The following NEGR1 variants were observed in gnomAD, a reference collection of about 807,000 sequenced individuals.
NEGR1 encodes IgLON family member 4.
A neutral mutation model predicts 40.9 loss-of-function variants in NEGR1; 10 were observed. That is an observed-to-expected ratio of 0.24 (90% CI 0.15 to 0.42). The LOEUF is 0.42. Ranked by LOEUF, NEGR1 falls within the 10% of genes least tolerant of loss-of-function variation. NEGR1 has a pLI of 1.00. For missense variants in NEGR1, 352 were observed against 438.9 expected, an observed-to-expected ratio of 0.80 and a Z score of 1.77; for synonymous variants, 185 against 166.8, an observed-to-expected ratio of 1.11 and a Z score of -0.84.
intron 6 of NEGR1, among the ~76,000 whole-genome samples, chr1:71,462,867 T>A (rs1026169661): frequency 2.6e-5 from 4 of 152,166 alleles, no homozygotes; most frequent in African/African-American, 7.2e-5. Context: ...GTGTGCATAG[T>A]TTTGTGTTTA....
intron 6 of NEGR1, chr1:71,488,258 T>G (rs577774461): frequency 6.6e-6 from 1 of 151,910 alleles, no homozygotes; most frequent in East Asian, 1.9e-4. Flanking sequence ...ACTTCCTAAA[T>G]TATCCAGCTT....
At chr1:71,472,572 A>C (rs1291542557) in intron 6 of NEGR1, 4 of 152,256 alleles carry the variant, frequency 2.6e-5, no homozygotes, top group East Asian at 1.9e-4. Flanking sequence ...CAGCTCCATT[A>C]TCTTTCCAGG....
At chr1:72,085,097 T>G (rs528209276) in intron 1 of NEGR1, among the ~76,000 whole-genome samples, 1 of 152,272 alleles carries the variant, frequency 6.6e-6, no homozygotes, top group South Asian at 2.1e-4. Flanking sequence ...CCCAAAGAGG[T>G]TAAAAAATCC....
intron 6 of NEGR1, among the ~76,000 whole-genome samples, chr1:71,576,738 A>G (rs559592246): frequency 6.6e-6 from 1 of 152,360 alleles, no homozygotes; most frequent in East Asian, 1.9e-4. Flanking sequence ...CCAGTGGGCC[A>G]TAAGTGTAAG....
chr1:71,684,982 T>C (rs570806597), intron 4 of NEGR1, among the ~76,000 whole-genome samples: 1 of 152,346 alleles, frequency 6.6e-6, no homozygotes, highest in Non-Finnish European at 1.5e-5. Flanking sequence ...GTATTTTTTC[T>C]TCATTTTGCT....
chr1:71,538,946 G>C (rs1647597398), intron 6 of NEGR1, among the ~76,000 whole-genome samples: 1 of 151,678 alleles, frequency 6.6e-6, no homozygotes, highest in Admixed American at 6.6e-5. Flanking sequence ...ATTACTAATA[G>C]GTTATAATAG....
At chr1:72,123,423 G>A (rs777052685) in intron 1 of NEGR1, among the ~76,000 whole-genome samples, 1 of 151,692 alleles carries the variant, frequency 6.6e-6, no homozygotes, top group Non-Finnish European at 1.5e-5. Context: ...AACTAAAATT[G>A]CTTTAAAAAT....
intron 4 of NEGR1, among the ~76,000 whole-genome samples, chr1:71,652,436 T>C (rs1002274195): frequency 1.1e-4 from 16 of 152,158 alleles, no homozygotes; most frequent in African/African-American, 3.6e-4. Flanking sequence ...TCTACGTTTA[T>C]AAATAAAGTT....
intron 6 of NEGR1, among the ~76,000 whole-genome samples, chr1:71,466,360 G>C (rs1646745879): frequency 6.6e-6 from 1 of 151,966 alleles, no homozygotes; most frequent in African/African-American, 2.4e-5. Context: ...TGTCCTCCTT[G>C]CTGGAGGCCC....
chr1:72,210,636 T>C (rs916413546), intron 1 of NEGR1, among the ~76,000 whole-genome samples: 4 of 151,908 alleles, frequency 2.6e-5, no homozygotes, highest in Non-Finnish European at 5.9e-5. Context: ...CGCTGTGAAC[T>C]TGAAAGCTTT....
At chr1:71,526,852 T>G (rs572728945) in intron 6 of NEGR1, among the ~76,000 whole-genome samples, 277 of 151,646 alleles carry the variant, frequency 1.8e-3, no homozygotes, top group African/African-American at 6.5e-3. Flanking sequence ...CACAAGACCC[T>G]TCAGTGATCC....
intron 4 of NEGR1, among the ~76,000 whole-genome samples, chr1:71,668,989 G>A (rs12031842): frequency 0.073 from 11,144 of 152,094 alleles, 507 homozygotes; most frequent in East Asian, 0.13. Flanking sequence ...GTTTGTGAAA[G>A]TCTTCCAAAT....
intron 6 of NEGR1, among the ~76,000 whole-genome samples, chr1:71,557,780 A>C (rs1570028519): frequency 6.6e-6 from 1 of 151,674 alleles, no homozygotes; most frequent in Non-Finnish European, 1.5e-5. Context: ...GTCATTAACC[A>C]AACTGAATAT....
At chr1:71,934,616 G>T (rs906540833) in intron 2 of NEGR1, among the ~76,000 whole-genome samples, 1 of 152,086 alleles carries the variant, frequency 6.6e-6, no homozygotes, top group Admixed American at 6.6e-5. Flanking sequence ...TCTATTGTAG[G>T]TTTCAAACAT....
chr1:71,875,894 A>G (rs1476324567), intron 2 of NEGR1, among the ~76,000 whole-genome samples: 1 of 152,154 alleles, frequency 6.6e-6, no homozygotes, highest in Non-Finnish European at 1.5e-5. Context: ...GGCTCGATGA[A>G]GATAGACCAT....
At chr1:72,195,816 G>A (rs1162078730) in intron 1 of NEGR1, among the ~76,000 whole-genome samples, 2 of 151,820 alleles carry the variant, frequency 1.3e-5, no homozygotes, top group Non-Finnish European at 2.9e-5. Flanking sequence ...TACATTATAA[G>A]GTGTTATATA....
intron 1 of NEGR1, among the ~76,000 whole-genome samples, chr1:72,124,956 A>T (rs1465528457): frequency 6.6e-6 from 1 of 152,102 alleles, no homozygotes; most frequent in Non-Finnish European, 1.5e-5. Context: ...TAACAAAAAT[A>T]TTTACTAATG....
At chr1:72,262,243 AAT>A (rs1655482178) in intron 1 of NEGR1, among the ~76,000 whole-genome samples, 1 of 152,032 alleles carries the variant, frequency 6.6e-6, no homozygotes, top group African/African-American at 2.4e-5. Context: ...GAAGTGGAAT[AAT>A]ATATGTAGAA....
chr1:71,713,987 A>G (rs1654190484), intron 3 of NEGR1, among the ~76,000 whole-genome samples: 1 of 152,186 alleles, frequency 6.6e-6, no homozygotes, highest in Admixed American at 6.5e-5. Context: ...AAAAAAGGAA[A>G]CAGTACCTAT....
Sources: allele counts gnomAD v4.1 joint callset (sites outside exome capture counted in the v4.1 genomes callset), GRCh38; gene constraint gnomAD v4.1.1; transcripts MANE v1.5; gene names NCBI Gene and HGNC (gene_info 2026-07-23, HGNC 2026-07-21).